The following EPB41 variants were observed in gnomAD, a reference collection of about 807,000 sequenced individuals.
EPB41 encodes protein 4.1.
In EPB41, 65 loss-of-function variants were observed where a neutral mutation model predicts 108.0. The observed-to-expected ratio is 0.60, with a 90% CI of 0.49 to 0.74. The LOEUF (loss-of-function observed/expected upper bound fraction) is 0.74. Ranked by LOEUF, EPB41 falls within the 30% of genes least tolerant of loss-of-function variation. The probability of loss-of-function intolerance (pLI) is 0.00; values close to 1 mark genes in which losing one functional copy is unlikely to be tolerated. For missense variants in EPB41, 875 were observed against 1,037.0 expected (o/e 0.84, Z 2.15); for synonymous variants, 336 against 358.9 (o/e 0.94, Z 0.72).
intron 1 of EPB41, among the ~76,000 whole-genome samples, chr1:28,926,128 T>A (rs2093431982): frequency 6.6e-6 from 1 of 151,586 alleles, no homozygotes; most frequent in Non-Finnish European, 1.5e-5. Flanking sequence ...GTGGATCACC[T>A]GAAGTCAGAA....
At position 29,010,264 on chromosome 1, in the gene EPB41, G is replaced by A. The variant is rs184718230; in HGVS notation, c.787-1601G>A. ...TGAGGCAGGAGAATTGCTTGAACCC[G>A]GGAGGCGGAGGTTGCAGAGAACCAA... On this transcript the variant is annotated intron_variant, in intron 4 of 20. Transcript: ENST00000343067. Among the ~76,000 whole-genome samples, 574 of 152,174 alleles carry A rather than the reference G, an allele frequency of 3.8e-3. 6 individuals carry two copies. Among genetic ancestry groups the A allele is most frequent in the African/African-American group, 0.013 (530 of 41,518 alleles).
At chr1:28,919,150 A>G (rs369534935) in intron 1 of EPB41, among the ~76,000 whole-genome samples, 3 of 152,238 alleles carry the variant, frequency 2.0e-5, no homozygotes, top group South Asian at 2.1e-4. Context: ...CTTTGCTTCA[A>G]ATATTGGTTT....
chr1:28,960,056 G>A (rs1449503136), intron 1 of EPB41, among the ~76,000 whole-genome samples: 1 of 146,172 alleles, frequency 6.8e-6, no homozygotes, highest in Non-Finnish European at 1.5e-5. Context: ...CTGGAGTGCC[G>A]TGACTCAATC....
At chr1:28,916,825 C>T (rs1327390283) in intron 1 of EPB41, among the ~76,000 whole-genome samples, 1 of 151,342 alleles carries the variant, frequency 6.6e-6, no homozygotes, top group African/African-American at 2.4e-5. Context: ...GGGTCTCATT[C>T]TGTCACCCAG....
At chr1:28,998,086 C>T (rs2096223308) in intron 4 of EPB41, among the ~76,000 whole-genome samples, 1 of 152,176 alleles carries the variant, frequency 6.6e-6, no homozygotes, top group Non-Finnish European at 1.5e-5. Context: ...CTGGAACTTC[C>T]AGTTTATTAT....
intron 1 of EPB41, among the ~76,000 whole-genome samples, chr1:28,984,556 T>G (rs999896253): frequency 6.6e-6 from 1 of 152,226 alleles, no homozygotes; most frequent in Non-Finnish European, 1.5e-5. Context: ...ATTAGTATCA[T>G]GCATTTGAAG....
upstream of EPB41, chr1:28,911,156 C>G: frequency 1.0e-6 from 1 of 985,422 alleles, no homozygotes; most frequent in Non-Finnish European, 1.2e-6. Flanking sequence ...ACCCCCACAT[C>G]TTCCTATGTG....
At chr1:28,915,918 A>G (rs2092623192) in intron 1 of EPB41, among the ~76,000 whole-genome samples, 1 of 151,988 alleles carries the variant, frequency 6.6e-6, no homozygotes, top group African/African-American at 2.4e-5. Flanking sequence ...CTGTATTCTC[A>G]GTCCTGGCAA....
At chr1:28,937,878 G>A (rs1431800478) in intron 1 of EPB41, among the ~76,000 whole-genome samples, 2 of 152,074 alleles carry the variant, frequency 1.3e-5, no homozygotes, top group African/African-American at 4.8e-5. Context: ...TTTATATGAG[G>A]TGAGACAGGG....
At chr1:29,098,982 C>T (rs770035843) in intron 17 of EPB41, among the ~76,000 whole-genome samples, 5 of 150,882 alleles carry the variant, frequency 3.3e-5, no homozygotes, top group Non-Finnish European at 7.4e-5. Flanking sequence ...GCCGCGGCCT[C>T]CCAAAGTGCT....
intron 16 of EPB41, chr1:29,071,748 A>G (rs1200258436): frequency 2.0e-5 from 3 of 152,296 alleles, no homozygotes; most frequent in Admixed American, 6.5e-5. Flanking sequence ...TTACCTCAAT[A>G]TTGAAGAAAC....
chr1:29,072,604 A>C (rs1651967837), intron 16 of EPB41: 1 of 152,228 alleles, frequency 6.6e-6, no homozygotes, highest in African/African-American at 2.4e-5. Context: ...AAATGCAGCA[A>C]GAGTCCTCGG....
intron 2 of EPB41, among the ~76,000 whole-genome samples, chr1:28,991,055 T>C (rs1243623685): frequency 6.6e-6 from 1 of 151,938 alleles, no homozygotes; most frequent in East Asian, 1.9e-4. Context: ...CAAAACCTTG[T>C]GGATCAGAGT....
chr1:28,965,842 G>A (rs1206218527), intron 1 of EPB41, among the ~76,000 whole-genome samples: 1 of 152,092 alleles, frequency 6.6e-6, no homozygotes, highest in Non-Finnish European at 1.5e-5. Context: ...CTGCCACATG[G>A]GATGACTATT....
chr1:28,955,053 A>G (rs1414663504), intron 1 of EPB41, among the ~76,000 whole-genome samples: 1 of 152,236 alleles, frequency 6.6e-6, no homozygotes, highest in Non-Finnish European at 1.5e-5. Flanking sequence ...GTATTGGTGC[A>G]TGTGACTTTT....
At chr1:29,060,380 A>AT in intron 14 of EPB41, 42 bp from the exon 15 acceptor site, 1 of 1,595,848 alleles carries the variant, frequency 6.3e-7, no homozygotes, top group Non-Finnish European at 8.6e-7. Context: ...CAACATTTTA[A>AT]TTTTTTATGC....
intron 2 of EPB41, among the ~76,000 whole-genome samples, chr1:28,991,365 T>C (rs2096013088): frequency 6.6e-6 from 1 of 152,012 alleles, no homozygotes; most frequent in South Asian, 2.1e-4. Context: ...AGGCTGGATA[T>C]ACCTTGGTAA....
chr1:28,916,683 C>G (rs376640597), intron 1 of EPB41, among the ~76,000 whole-genome samples: 2 of 152,194 alleles, frequency 1.3e-5, no homozygotes, highest in Admixed American at 1.3e-4. Context: ...TGCCAACCTT[C>G]TGATTCCTCT....
At chr1:28,947,594 A>C (rs1301414064) in intron 1 of EPB41, among the ~76,000 whole-genome samples, 1 of 152,100 alleles carries the variant, frequency 6.6e-6, no homozygotes, top group African/African-American at 2.4e-5. Flanking sequence ...TAGGAGGCCG[A>C]GGTGGGCGGA....
Sources: allele counts gnomAD v4.1 joint callset (sites outside exome capture counted in the v4.1 genomes callset), GRCh38; gene constraint gnomAD v4.1.1; transcripts MANE v1.5; gene names NCBI Gene and HGNC (gene_info 2026-07-23, HGNC 2026-07-21).